The following ULK4 variants were observed in gnomAD, a reference collection of about 807,000 sequenced individuals.
The protein encoded by ULK4 is inactive serine/threonine-protein kinase ULK4.
In ULK4, 133 loss-of-function variants were observed where a neutral mutation model predicts 160.6. That is an observed-to-expected ratio of 0.83 (90% CI 0.72 to 0.96). ULK4 has a LOEUF of 0.96. Among genes scored for constraint, ULK4 ranks in the 40% least tolerant of loss-of-function variants. ULK4 has a pLI of 0.00. For missense variants in ULK4, 1,580 were observed against 1,499.5 expected (o/e 1.05, Z -0.89); for synonymous variants, 534 against 539.8 (o/e 0.99, Z 0.15).
intron 29 of ULK4, among the ~76,000 whole-genome samples, chr3:41,671,137 A>T (rs1241515490): frequency 1.3e-5 from 2 of 152,168 alleles, no homozygotes; most frequent in Non-Finnish European, 2.9e-5. Context: ...AAAAATTAAT[A>T]TCATTAAAAT....
intron 32 of ULK4, among the ~76,000 whole-genome samples, chr3:41,488,021 G>C (rs1368873522): frequency 6.6e-6 from 1 of 151,992 alleles, no homozygotes; most frequent in Non-Finnish European, 1.5e-5. Context: ...ACTTAACAAA[G>C]ACAACTACTT....
chr3:41,290,379 G>A (rs2079537682), intron 35 of ULK4, among the ~76,000 whole-genome samples: 1 of 152,182 alleles, frequency 6.6e-6, no homozygotes, highest in Non-Finnish European at 1.5e-5. Flanking sequence ...AACAGATGGG[G>A]AAATTGAGAC....
At chr3:41,592,826 T>C (rs948165689) in intron 31 of ULK4, among the ~76,000 whole-genome samples, 1 of 152,208 alleles carries the variant, frequency 6.6e-6, no homozygotes, top group African/African-American at 2.4e-5. Flanking sequence ...CTTGGGGAAC[T>C]GCCATACTCC....
chr3:41,354,213 T>C (rs1027022126), intron 35 of ULK4, among the ~76,000 whole-genome samples: 3 of 152,192 alleles, frequency 2.0e-5, no homozygotes, highest in Admixed American at 2.0e-4. Flanking sequence ...CCTTGGTTCA[T>C]TGTTGACCAC....
chr3:41,498,854 C>T (rs1358491107), intron 32 of ULK4, among the ~76,000 whole-genome samples: 3 of 152,042 alleles, frequency 2.0e-5, no homozygotes, highest in Non-Finnish European at 4.4e-5. Context: ...CTCGGCTTCC[C>T]AAAGTGCTGG....
intron 12 of ULK4, among the ~76,000 whole-genome samples, chr3:41,902,038 G>T (rs1300504345): frequency 2.0e-5 from 3 of 151,810 alleles, no homozygotes; most frequent in African/African-American, 4.8e-5. Flanking sequence ...TATTCCTAGT[G>T]CTATGCCTCA....
At chr3:41,874,029 A>T (rs1697212461) in intron 17 of ULK4, among the ~76,000 whole-genome samples, 1 of 152,102 alleles carries the variant, frequency 6.6e-6, no homozygotes, top group Non-Finnish European at 1.5e-5. Flanking sequence ...ACTATAGGGA[A>T]AAATAAGTCC....
intron 7 of ULK4, among the ~76,000 whole-genome samples, chr3:41,917,510 TTTTCA>T: frequency 6.6e-6 from 1 of 152,244 alleles, no homozygotes; most frequent in Middle Eastern, 3.4e-3. Context: ...TAGAATCCTG[TTTTCA>T]TTTATGTGTC....
At chr3:41,739,682 G>A (rs535671973) in intron 22 of ULK4, among the ~76,000 whole-genome samples, 2 of 151,978 alleles carry the variant, frequency 1.3e-5, no homozygotes, top group Admixed American at 6.6e-5. Flanking sequence ...CACTTCAGAG[G>A]AGGCTTTCAA....
chr3:41,809,038 T>C (rs960781593), intron 19 of ULK4, among the ~76,000 whole-genome samples: 8 of 151,958 alleles, frequency 5.3e-5, no homozygotes, highest in African/African-American at 1.9e-4. Flanking sequence ...TGGTGGTGCA[T>C]GCCTGTAATC....
chr3:41,320,572 C>T (rs747932042), intron 35 of ULK4, among the ~76,000 whole-genome samples: 1 of 152,170 alleles, frequency 6.6e-6, no homozygotes, highest in Non-Finnish European at 1.5e-5. Context: ...AAGAATCCTT[C>T]TCAATTTTGA....
At chr3:41,310,333 T>C (rs991962165) in intron 35 of ULK4, among the ~76,000 whole-genome samples, 1 of 152,190 alleles carries the variant, frequency 6.6e-6, no homozygotes, top group African/African-American at 2.4e-5. Context: ...CAATTATACC[T>C]GAGAAGTTTT....
intron 4 of ULK4, among the ~76,000 whole-genome samples, chr3:41,935,209 A>ATTTATTTATTTTTTTTTTTTTTTTT (rs1559660879): frequency 7.4e-6 from 1 of 135,556 alleles, no homozygotes; most frequent in East Asian, 2.1e-4. Flanking sequence ...TTATTTATTT[A>ATTTATTTATTTTTTTTTTTTTTTTT]TTTTTTTTTT....
At chr3:41,878,657 G>A (rs1423547675) in intron 17 of ULK4, among the ~76,000 whole-genome samples, 7 of 121,978 alleles carry the variant, frequency 5.7e-5, no homozygotes, top group African/African-American at 9.6e-5. Flanking sequence ...GACAATAATC[G>A]ATTGATGTTA....
At chr3:41,296,897 G>A (rs2079679940) in intron 35 of ULK4, among the ~76,000 whole-genome samples, 1 of 147,918 alleles carries the variant, frequency 6.8e-6, no homozygotes, top group African/African-American at 2.4e-5. Flanking sequence ...GGATAAAAGA[G>A]GGCAGAAGTG....
intron 35 of ULK4, among the ~76,000 whole-genome samples, chr3:41,380,923 C>A (rs1281236456): frequency 1.3e-5 from 2 of 152,134 alleles, no homozygotes; most frequent in Non-Finnish European, 2.9e-5. Context: ...GCTCCTCTTG[C>A]ATGTGTCTCA....
At chr3:41,386,924 C>T (rs1272347555) in intron 35 of ULK4, among the ~76,000 whole-genome samples, 1 of 152,104 alleles carries the variant, frequency 6.6e-6, no homozygotes, top group Non-Finnish European at 1.5e-5. Flanking sequence ...TTGAGGTGGA[C>T]TATCATTTTA....
At chr3:41,374,421 T>A (rs2081435148) in intron 35 of ULK4, among the ~76,000 whole-genome samples, 1 of 152,020 alleles carries the variant, frequency 6.6e-6, no homozygotes, top group East Asian at 1.9e-4. Flanking sequence ...CAGCAGCACA[T>A]CAAAAAGCTT....
chr3:41,911,174 GA>G (rs1698771362), intron 11 of ULK4, 142 bp downstream of exon 11: 3 of 806,952 alleles, frequency 3.7e-6, no homozygotes, highest in Non-Finnish European at 5.9e-6. Context: ...CTGTAACTTT[GA>G]AATTGGAGAG....
Sources: allele counts gnomAD v4.1 joint callset (sites outside exome capture counted in the v4.1 genomes callset), GRCh38; gene constraint gnomAD v4.1.1; transcripts MANE v1.5; gene names NCBI Gene and HGNC (gene_info 2026-07-23, HGNC 2026-07-21).